PCDH15: variants seen among roughly 807,000 people sequenced by gnomAD.
PCDH15 encodes the protein protocadherin-15.
PCDH15 carries 129 observed loss-of-function variants against 178.5 expected under a neutral mutation model. That is an observed-to-expected ratio of 0.72 (90% CI 0.63 to 0.84). PCDH15 has a LOEUF of 0.84. Ranked by LOEUF, PCDH15 falls within the 40% of genes least tolerant of loss-of-function variation. PCDH15 has a pLI of 0.00. For missense variants in PCDH15, 2,230 were observed against 2,099.9 expected (o/e 1.06, Z -1.21); for synonymous variants, 800 against 732.0 (o/e 1.09, Z -1.50).
intron 32 of PCDH15, among the ~76,000 whole-genome samples, chr10:53,820,796 C>T (rs566926474): frequency 1.3e-5 from 2 of 151,888 alleles, no homozygotes; most frequent in Admixed American, 6.6e-5. Flanking sequence ...ACAATTGGAG[C>T]GCTAAGAACT....
chr10:54,014,418 CA>C (rs2092681259), intron 20 of PCDH15, among the ~76,000 whole-genome samples: 1 of 151,974 alleles, frequency 6.6e-6, no homozygotes, highest in African/African-American at 2.4e-5. Flanking sequence ...TCTATGAGGC[CA>C]AAATCATCTT....
chr10:54,745,829 A>AT (rs776610186), intron 1 of PCDH15, among the ~76,000 whole-genome samples: 15 of 152,174 alleles, frequency 9.9e-5, no homozygotes, highest in East Asian at 7.7e-4. Flanking sequence ...ATGTCTGGGA[A>AT]TTTTAATCAC....
chr10:54,817,971 G>T (rs1207815450), intron 3 of PCDH15, among the ~76,000 whole-genome samples: 2 of 151,892 alleles, frequency 1.3e-5, no homozygotes, highest in Admixed American at 1.3e-4. Context: ...CAGTATTAGG[G>T]AAGGGACAAT....
intron 2 of PCDH15, among the ~76,000 whole-genome samples, chr10:54,641,818 AATTGAATCATG>A (rs2093996327): frequency 6.6e-6 from 1 of 152,092 alleles, no homozygotes; most frequent in South Asian, 2.1e-4. Flanking sequence ...TTTTAGAATA[AATTGAATCATG>A]ATGTTACTAT....
chr10:55,474,755 C>T (rs960454225), intron 2 of PCDH15, among the ~76,000 whole-genome samples: 2 of 152,114 alleles, frequency 1.3e-5, no homozygotes, highest in Non-Finnish European at 2.9e-5. Context: ...AAGTCAGGAT[C>T]AGAAGACTTA....
In PCDH15 at chr10:54,198,495, C is replaced by CTTTTTTTTTTTTTTTTTTTTTTTTTTTT. The variant is rs1186240206; in HGVS notation, c.1099-2607_1099-2606insAAAAAAAAAAAAAAAAAAAAAAAAAAAA. On this transcript the variant is annotated intron_variant, in intron 10 of 37. Transcript: ENST00000644397. ...CATCTTTCTTTAATATCTAATTATT[C>CTTTTTTTTTTTTTTTTTTTTTTTTTTTT]TTTTTTTTTTTTTTTTTTTTTTTTG... 6.4e-5 allele frequency among the ~76,000 whole-genome samples: 2 copies of CTTTTTTTTTTTTTTTTTTTTTTTTTTTT among 31,172 alleles called. 1 individual carries two copies. The highest frequency in any genetic ancestry group is 5.9e-4 in the African/African-American group (2 of 3,372). 20.5% of individuals were successfully genotyped at this position (31,172 alleles called of 152,430 possible).
At chr10:54,947,238 T>C (rs182449446) in intron 2 of PCDH15, among the ~76,000 whole-genome samples, 2 of 152,052 alleles carry the variant, frequency 1.3e-5, no homozygotes, top group Admixed American at 6.6e-5. Flanking sequence ...TTGCGTGACT[T>C]AGCTCATTTA....
At chr10:54,342,517 G>T (rs1195009861) in intron 6 of PCDH15, among the ~76,000 whole-genome samples, 1 of 152,142 alleles carries the variant, frequency 6.6e-6, no homozygotes, top group Non-Finnish European at 1.5e-5. Flanking sequence ...TCTGCTGCAG[G>T]GGTGGAGCCC....
intron 1 of PCDH15, among the ~76,000 whole-genome samples, chr10:54,700,022 A>C (rs1487604695): frequency 6.6e-6 from 1 of 152,090 alleles, no homozygotes; most frequent in East Asian, 1.9e-4. Flanking sequence ...GCAGGTTCCC[A>C]GCATGAAGGG....
intron 1 of PCDH15, among the ~76,000 whole-genome samples, chr10:54,746,714 G>T (rs1394995078): frequency 1.3e-5 from 2 of 152,018 alleles, no homozygotes; most frequent in African/African-American, 4.8e-5. Context: ...CTTGTGTCAG[G>T]GTTCCCCAGG....
At chr10:53,879,761 C>G (rs762395956) in intron 26 of PCDH15, among the ~76,000 whole-genome samples, 6 of 152,134 alleles carry the variant, frequency 3.9e-5, no homozygotes, top group Non-Finnish European at 8.8e-5. Context: ...CGCACCACCA[C>G]GCCTGGCTAA....
At chr10:54,442,412 G>A (rs1463953165) in intron 3 of PCDH15, among the ~76,000 whole-genome samples, 2 of 21,698 alleles carry the variant, frequency 9.2e-5, no homozygotes, top group African/African-American at 2.2e-4. Context: ...AGGCCTTAAA[G>A]GCTATATATA....
intron 3 of PCDH15, among the ~76,000 whole-genome samples, chr10:54,525,380 T>C (rs2132619800): frequency 6.6e-6 from 1 of 152,336 alleles, no homozygotes; most frequent in Admixed American, 6.5e-5. Context: ...CCACATGTTT[T>C]ATTACTACCA....
At chr10:54,340,625 T>C (rs184436187) in intron 6 of PCDH15, among the ~76,000 whole-genome samples, 1 of 152,130 alleles carries the variant, frequency 6.6e-6, no homozygotes, top group Non-Finnish European at 1.5e-5. Context: ...TATTAAAAAG[T>C]TTTAGAGCAG....
chr10:55,163,804 G>A (rs1839122693), intron 2 of PCDH15, among the ~76,000 whole-genome samples: 1 of 152,106 alleles, frequency 6.6e-6, no homozygotes, highest in Admixed American at 6.6e-5. Flanking sequence ...TAAAACGGCA[G>A]GGAGGAACCC....
chr10:54,417,760 C>A (rs190293406), intron 3 of PCDH15, among the ~76,000 whole-genome samples: 376 of 152,148 alleles, frequency 2.5e-3, no homozygotes, highest in Non-Finnish European at 4.1e-3. Context: ...TTCTAAGTAA[C>A]AAGTACAATA....
chr10:54,262,717 T>TA (rs34101281), intron 8 of PCDH15, among the ~76,000 whole-genome samples: 1 of 151,942 alleles, frequency 6.6e-6, no homozygotes, highest in Admixed American at 6.6e-5. Context: ...TGGGTTCTCA[T>TA]GGGGCATGGG....
chr10:53,890,176 C>T (rs1053392179), intron 26 of PCDH15, among the ~76,000 whole-genome samples: 2 of 152,136 alleles, frequency 1.3e-5, no homozygotes, highest in East Asian at 1.9e-4. Flanking sequence ...GCCTGTAATC[C>T]CAGCACTTTG....
chr10:55,508,673 G>T (rs944931509), intron 2 of PCDH15, among the ~76,000 whole-genome samples: 1 of 151,606 alleles, frequency 6.6e-6, no homozygotes, highest in Non-Finnish European at 1.5e-5. Flanking sequence ...TAAACTGGTT[G>T]GGGAAAATTG....
Sources: allele counts gnomAD v4.1 joint callset (sites outside exome capture counted in the v4.1 genomes callset), GRCh38; gene constraint gnomAD v4.1.1; transcripts MANE v1.5; gene names NCBI Gene and HGNC (gene_info 2026-07-23, HGNC 2026-07-21).